MRPS11: variants seen among roughly 807,000 people sequenced by gnomAD.
MRPS11 encodes the protein mitochondrial ribosomal protein S11.
Under a neutral mutation model 24.3 loss-of-function variants are expected in MRPS11, and 27 were observed. The observed-to-expected ratio is 1.11, with a 90% CI of 0.82 to 1.53. MRPS11 has a LOEUF of 1.53. Among genes scored for constraint, MRPS11 ranks in the 40% most tolerant of loss-of-function variants. The probability of loss-of-function intolerance (pLI) is 0.00; values close to 1 mark genes in which losing one functional copy is unlikely to be tolerated. For synonymous variants in MRPS11, 104 were observed against 98.7 expected (o/e 1.05, Z -0.32); for missense variants, 277 against 256.5 (o/e 1.08, Z -0.55).
In MRPS11 at chr15:88,478,866, G is replaced by A. The variant is rs1023588079; in HGVS notation, c.*887G>A. On this transcript the variant is annotated 3_prime_UTR_variant, in exon 6 of 6. Transcript: ENST00000325844. The surrounding 1 kb of genome is among the most constrained non-coding windows in gnomAD (Gnocchi z 4.7). ...TAACCAGGCATGGTGGTGTGCGCCT[G>A]TAATCCCAGCTACTCTGGAGGCTGA... The A allele has an allele frequency of 3.9e-5, 6 of 152,136 alleles. No homozygotes were observed. The East Asian group carries it at 9.6e-4, about 24-fold the overall frequency. 9.4% of individuals were successfully genotyped at this position (152,136 alleles called of 1,614,324 possible).
At position 88,475,240 on chromosome 15, in the gene MRPS11, G is replaced by T; in HGVS notation, c.411+1G>T. ...GACAGCAGGCATAGCCGCAGCGGCG[G>T]TAAGTGTGTGTTCCTTCTGCTTCCT... is the stretch of plus-strand genomic sequence containing the variant. On this transcript the variant is annotated splice_donor_variant, in intron 4 of 5. Transcript: ENST00000325844. LOFTEE classifies it high-confidence loss of function. This position sits in a 1 kb window ranked among gnomAD's most constrained non-coding sequence, Gnocchi z 4.1. 6.2e-7 allele frequency: 1 copy of T among 1,614,058 alleles called. No individual in the cohort carries two copies. The highest frequency in any genetic ancestry group is 8.5e-7 in the Non-Finnish European group (1 of 1,179,934).
In MRPS11 at chr15:88,470,207, C is replaced by T. The variant is rs2055661478; in HGVS notation, c.182+2183C>T. On this transcript the variant is annotated intron_variant, in intron 2 of 5. Transcript: ENST00000325844. The stretch of plus-strand genomic sequence containing the variant: ...GCGTGGGTCTATAATCCCAGCTACC[C>T]AGGACGCTGAGGCAGGAGAATCACT... 2.0e-5 allele frequency among the ~76,000 whole-genome samples: 3 copies of T among 152,042 alleles called. No homozygotes were observed. The South Asian group carries it at 6.2e-4, about 31-fold the overall frequency.
Position 88,467,976 on chromosome 15 carries a change from C to T in MRPS11, c.134C>T (p.Ala45Val), listed in dbSNP as rs1281151821. The change falls in exon 2 of 6, where the codon GCC becomes GTC. Residue 45 changes from alanine (A) to valine (V), a missense_variant. Physicochemically the swap from Ala to Val is moderately conservative, Grantham distance 64. Transcript: ENST00000325844. ...GCTCGACAGCTCCAAGACGCTGCGG[C>T]CAAGCAGAAAGTTGAACAGAACGCG... is the stretch of plus-strand genomic sequence containing the variant. ...TGARQLQDAA[A>V]KQKVEQNAAP... 1.2e-6 allele frequency: 2 copies of T among 1,611,634 alleles called. No individual in the cohort carries two copies. The highest frequency in any genetic ancestry group is 1.7e-6 in the Non-Finnish European group (2 of 1,179,306).
intron 2 of MRPS11, chr15:88,468,321 T>C: frequency 2.5e-6 from 3 of 1,178,162 alleles, no homozygotes; most frequent in Non-Finnish European, 3.2e-6. Flanking sequence ...GAGATGGAGA[T>C]CTTTTCAGAC....
chr15:88,470,346 G>A (rs2055666608), intron 2 of MRPS11, among the ~76,000 whole-genome samples: 1 of 152,176 alleles, frequency 6.6e-6, no homozygotes, highest in Admixed American at 6.5e-5. Context: ...GAGTTCAAGA[G>A]TCAGACTTCA....
Position 88,477,799 on chromosome 15 carries a change from G to A in MRPS11, c.478-73G>A, listed in dbSNP as rs1478091058. On this transcript the variant is annotated intron_variant, in intron 5 of 5. Coordinates refer to ENST00000325844, the MANE Select transcript of MRPS11 (RefSeq NM_022839.5). The surrounding 1 kb of genome is among the most constrained non-coding windows in gnomAD (Gnocchi z 5.7). ...TCTCTACGCCACCCTGTCCCTCTCC[G>A]AACCCTGCCTGGAGACACTGGATCA... 18 of 1,398,790 alleles carry A rather than the reference G, an allele frequency of 1.3e-5. No homozygotes were observed. The highest frequency in any genetic ancestry group is 7.1e-5 in the Admixed American group (4 of 55,964). 86.6% of individuals were successfully genotyped at this position (1,398,790 alleles called of 1,614,324 possible). A position where few individuals can be genotyped will look rare whatever the true frequency, so the allele number is the denominator to read the frequency against.
At chr15:88,468,678 A>C in intron 2 of MRPS11, 1 of 233,616 alleles carries the variant, frequency 4.3e-6, no homozygotes, top group Non-Finnish European at 7.0e-6. Flanking sequence ...CAATAATATA[A>C]TGGAGGTAAG....
Position 88,477,048 on chromosome 15 carries a change from A to C in MRPS11, c.471A>C (p.Gly157=). Residue 157 remains glycine (G), a synonymous_variant, in exon 5 of 6, where the codon GGA becomes GGC. Transcript: ENST00000325844. This position sits in a 1 kb window ranked among gnomAD's most constrained non-coding sequence, Gnocchi z 5.7. ...IRVVVKGLGP[G]RLSAMHGLIM... is the part of the protein sequence containing the mutation. ...TTGTGGTGAAAGGCCTGGGGCCAGG[A>C]CGCTTGGTAAGTTACAGTGATTTCC... The C allele has an allele frequency of 6.2e-7, 1 of 1,613,990 alleles. No homozygotes were observed. Among genetic ancestry groups the C allele is most frequent in the Non-Finnish European group, 8.5e-7 (1 of 1,179,982 alleles).
Position 88,467,752 on chromosome 15 carries a change from T to A in MRPS11, c.35T>A (p.Leu12Gln). 1 of 1,614,046 alleles carries A rather than the reference T, an allele frequency of 6.2e-7. No individual in the cohort carries two copies. The highest frequency in any genetic ancestry group is 8.5e-7 in the Non-Finnish European group (1 of 1,180,022). ...QAVRNAGSRF[L>Q]RSWTWPQTAG... ...GTGAGAAACGCGGGGTCGCGGTTCC[T>A]GCGGTCCTGGACTTGGCCCCAGACA... Residue 12 changes from leucine to glutamine, a missense_variant, in exon 1 of 6, where the codon CTG becomes CAG. Transcript: ENST00000325844.
intron 2 of MRPS11, among the ~76,000 whole-genome samples, chr15:88,470,848 A>G (rs890456397): frequency 6.6e-6 from 1 of 152,202 alleles, no homozygotes; most frequent in African/African-American, 2.4e-5. Flanking sequence ...GAAATGGACA[A>G]TAGCTCCCAG....
chr15:88,472,655 A>C lies in MRPS11; in HGVS notation c.211A>C (p.Ser71Arg). The stretch of plus-strand genomic sequence containing the variant: ...TTACCCTCCCATTCCAGGAGAGGAG[A>C]GCTCTCTGAGGTGGGCAGGAAAGAA... The part of the protein sequence containing the change: ...SIYPPIPGEE[S>R]SLRWAGKKFE... Residue 71 changes from serine to arginine, a missense_variant, in exon 3 of 6, where the codon AGC (serine) becomes CGC (arginine). Physicochemically the swap from Ser to Arg is moderately radical, Grantham distance 110 (BLOSUM62 -1). Transcript: ENST00000325844. The C allele has an allele frequency of 6.2e-7, 1 of 1,613,962 alleles. No individual in the cohort carries two copies. The highest frequency in any genetic ancestry group is 8.5e-7 in the Non-Finnish European group (1 of 1,179,878).
chr15:88,476,428 A>G (rs147097295), intron 4 of MRPS11, among the ~76,000 whole-genome samples: 2,042 of 152,340 alleles, frequency 0.013, 17 homozygotes, highest in Middle Eastern at 0.027. Context: ...GATTGCATGT[A>G]CTATCATCAG....
rs751309010 is a variant in MRPS11, at chr15:88,475,260, CT to C, written c.411+23del. 1 of 1,613,816 alleles carries C rather than the reference CT, an allele frequency of 6.2e-7. No individual in the cohort carries two copies. Among genetic ancestry groups the C allele is most frequent in the South Asian group, 1.1e-5 (1 of 91,068 alleles). Reference sequence around the variant, plus strand: ...CGGCGGTAAGTGTGTGTTCCTTCTGCTTCCTTCTAGTGTGTGTTTGCTTTCT... The same window carrying C: ...CGGCGGTAAGTGTGTGTTCCTTCTGCTCCTTCTAGTGTGTGTTTGCTTTCT... On this transcript the variant is annotated intron_variant, in intron 4 of 5. Transcript: ENST00000325844. The surrounding 1 kb of genome is among the most constrained non-coding windows in gnomAD (Gnocchi z 4.1).
In MRPS11 at chr15:88,475,573, T is replaced by C. The variant is rs1456604743; in HGVS notation, c.411+334T>C. On this transcript the variant is annotated intron_variant, in intron 4 of 5. Coordinates refer to ENST00000325844, the MANE Select transcript of MRPS11 (RefSeq NM_022839.5). This position sits in a 1 kb window ranked among gnomAD's most constrained non-coding sequence, Gnocchi z 4.1. ...CTGTAGTTCCAGCTACTTGGGAGGC[T>C]GAGGCTGGATGGCTTGAGCCCAAGA... is the stretch of plus-strand genomic sequence containing the variant. Among the ~76,000 whole-genome samples, 1 of 152,164 alleles carries C rather than the reference T, an allele frequency of 6.6e-6. No homozygotes were observed. The highest frequency in any genetic ancestry group is 1.5e-5 in the Non-Finnish European group (1 of 68,034).
At position 88,478,036 on chromosome 15, in the gene MRPS11, G is replaced by A; in HGVS notation, c.*57G>A. On this transcript the variant is annotated 3_prime_UTR_variant, in exon 6 of 6. Coordinates refer to ENST00000325844, the MANE Select transcript of MRPS11 (RefSeq NM_022839.5). This position sits in a 1 kb window ranked among gnomAD's most constrained non-coding sequence, Gnocchi z 4.7. Reference sequence around the variant, plus strand: ...CAAGCCTCAGCTCCAGTGGGACCTTGTAAAATGCTCCCTGTCAGAGCTCTC... The same window carrying A: ...CAAGCCTCAGCTCCAGTGGGACCTTATAAAATGCTCCCTGTCAGAGCTCTC... The A allele has an allele frequency of 2.9e-6, 4 of 1,381,216 alleles. No individual in the cohort carries two copies. The highest frequency in any genetic ancestry group is 4.1e-6 in the Non-Finnish European group (4 of 969,094). 85.6% of individuals were successfully genotyped at this position (1,381,216 alleles called of 1,614,324 possible).
Position 88,479,727 on chromosome 15 carries a change from T to C in MRPS11, c.*1748T>C, listed in dbSNP as rs1365016207. The C allele has an allele frequency of 6.6e-6, 1 of 152,164 alleles. No individual in the cohort carries two copies. The highest frequency in any genetic ancestry group is 1.5e-5 in the Non-Finnish European group (1 of 68,046). 9.4% of individuals were successfully genotyped at this position (152,164 alleles called of 1,614,324 possible). On this transcript the variant is annotated 3_prime_UTR_variant, in exon 6 of 6. Coordinates refer to ENST00000325844, the MANE Select transcript of MRPS11 (RefSeq NM_022839.5). ...CATTAAAACATGGTGCACTTGAAAA[T>C]TGCACTTCGCGATTTGATATGGTTT...
rs1936409115 is a variant in MRPS11 at position 88,475,270 on chromosome 15, GT to G, written c.411+32del. The G allele has an allele frequency of 6.2e-7, 1 of 1,613,244 alleles. No individual in the cohort carries two copies. The highest frequency in any genetic ancestry group is 8.5e-7 in the Non-Finnish European group (1 of 1,179,852). On this transcript the variant is annotated intron_variant, in intron 4 of 5. Transcript: ENST00000325844. The surrounding 1 kb of genome is among the most constrained non-coding windows in gnomAD (Gnocchi z 4.1). The stretch of plus-strand genomic sequence containing the variant: ...TGTGTGTTCCTTCTGCTTCCTTCTA[GT>G]GTGTGTTTGCTTTCTGCATGGCTCA...
At position 88,475,818 on chromosome 15, in the gene MRPS11, G is replaced by A. The variant is rs551035776; in HGVS notation, c.411+579G>A. On this transcript the variant is annotated intron_variant, in intron 4 of 5. Transcript: ENST00000325844. The surrounding 1 kb of genome is among the most constrained non-coding windows in gnomAD (Gnocchi z 4.1). ...CTAAAAATAGAAAAATTAGCTGGGC[G>A]TGGTGGTGCGCGCCTGTAGTCCCAG... 1.6e-4 allele frequency among the ~76,000 whole-genome samples: 25 copies of A among 152,096 alleles called. No individual in the cohort carries two copies. Among genetic ancestry groups the A allele is most frequent in the East Asian group, 7.7e-4 (4 of 5,170 alleles).
chr15:88,479,903 G>A lies in MRPS11; in HGVS notation c.*1924G>A, dbSNP rs1205846997. On this transcript the variant is annotated 3_prime_UTR_variant, in exon 6 of 6. Transcript: ENST00000325844. ...AAAGAAGGTGGACTACAAAGCAGCT[G>A]CCACCCTAGGCTAGAAGAGGCAGGG... is the stretch of plus-strand genomic sequence containing the variant. 2 of 152,272 alleles carry A rather than the reference G, an allele frequency of 1.3e-5. No individual in the cohort carries two copies. Among genetic ancestry groups the A allele is most frequent in the Non-Finnish European group, 2.9e-5 (2 of 68,076 alleles). The allele number at this position is 152,272 out of a possible 1,614,324, so 9.4% of individuals were successfully genotyped here. A position where few individuals can be genotyped will look rare whatever the true frequency, so the allele number is the denominator to read the frequency against.
Sources: allele counts gnomAD v4.1 joint callset (sites outside exome capture counted in the v4.1 genomes callset), GRCh38; gene constraint gnomAD v4.1.1; non-coding constraint Gnocchi (gnomAD v3.1); transcripts MANE v1.5; gene names NCBI Gene and HGNC (gene_info 2026-07-23, HGNC 2026-07-21).